Variants in STN1 observed in about 807,000 individuals in gnomAD.
STN1 encodes STN1 subunit of CST complex.
STN1 carries 29 observed loss-of-function variants against 45.5 expected under a neutral mutation model. That is an observed-to-expected ratio of 0.64 (90% CI 0.47 to 0.87). The LOEUF (loss-of-function observed/expected upper bound fraction) is 0.87. Ranked by LOEUF, STN1 falls within the 40% of genes least tolerant of loss-of-function variation. The pLI is 0.00. For synonymous variants in STN1, 148 were observed against 159.0 expected, an observed-to-expected ratio of 0.93 and a Z score of 0.52; for missense variants, 376 against 441.4, an observed-to-expected ratio of 0.85 and a Z score of 1.33.
intron 4 of STN1, among the ~76,000 whole-genome samples, chr10:103,901,807 A>G (rs750218127): frequency 2.3e-4 from 35 of 152,190 alleles, no homozygotes; most frequent in Admixed American, 7.2e-4. Context: ...ACTGGTTTAC[A>G]GTTCATTACA....
At chr10:103,912,947 T>C (rs1843301041) in intron 2 of STN1, among the ~76,000 whole-genome samples, 1 of 152,212 alleles carries the variant, frequency 6.6e-6, no homozygotes, top group Non-Finnish European at 1.5e-5. Context: ...GCAGAGCTGT[T>C]TGGACCCACA....
At chr10:103,909,434 G>GTATATATGTATATATATGTATATATGTA (rs1564635033) in intron 3 of STN1, among the ~76,000 whole-genome samples, 1 of 56,888 alleles carries the variant, frequency 1.8e-5, no homozygotes, top group Non-Finnish European at 3.3e-5. Flanking sequence ...GTATATATAT[G>GTATATATGTATATATATGTATATATGTA]TATATATATG....
At chr10:103,902,775 T>C (rs1843217656) in intron 4 of STN1, among the ~76,000 whole-genome samples, 1 of 152,218 alleles carries the variant, frequency 6.6e-6, no homozygotes, top group Non-Finnish European at 1.5e-5. Context: ...GCTTTTAAAC[T>C]AAGGGCAATT....
intron 3 of STN1, among the ~76,000 whole-genome samples, chr10:103,907,867 G>GCCTGTAAT (rs1253301198): frequency 6.6e-6 from 1 of 151,878 alleles, no homozygotes; most frequent in Admixed American, 6.6e-5. Flanking sequence ...AGTGGCTCAC[G>GCCTGTAAT]CCTGTAATCT....
At chr10:103,889,198 G>T in intron 8 of STN1, 54 bp from the exon 9 acceptor site, 2 of 1,129,550 alleles carry the variant, frequency 1.8e-6, no homozygotes, top group Non-Finnish European at 2.7e-6. Flanking sequence ...CACAGCAGTT[G>T]TGTCATCCAG....
At chr10:103,910,083 C>A (rs575509993) in intron 3 of STN1, among the ~76,000 whole-genome samples, 2 of 152,214 alleles carry the variant, frequency 1.3e-5, no homozygotes, top group South Asian at 4.1e-4. Flanking sequence ...GTTAACTGTT[C>A]TGGATATAAA....
At chr10:103,916,071 G>C in intron 2 of STN1, among the ~76,000 whole-genome samples, 1 of 152,208 alleles carries the variant, frequency 6.6e-6, no homozygotes, top group Non-Finnish European at 1.5e-5. Flanking sequence ...GGTCCCAGGG[G>C]TTGGGGGCCC....
intron 8 of STN1, among the ~76,000 whole-genome samples, chr10:103,891,559 C>T (rs1843139801): frequency 6.6e-6 from 1 of 152,134 alleles, no homozygotes; most frequent in African/African-American, 2.4e-5. Context: ...CGATCACCTA[C>T]CCCAAATAGT....
intron 3 of STN1, among the ~76,000 whole-genome samples, chr10:103,906,772 T>C (rs985676509): frequency 2.0e-5 from 3 of 152,100 alleles, no homozygotes; most frequent in African/African-American, 7.2e-5. Context: ...GATCTAAAAA[T>C]GGCCAATAAA....
intron 4 of STN1, among the ~76,000 whole-genome samples, chr10:103,902,030 AT>A (rs1360422030): frequency 6.6e-6 from 1 of 152,162 alleles, no homozygotes; most frequent in Non-Finnish European, 1.5e-5. Context: ...TACTCTCTGT[AT>A]TTCTTTATAG....
At chr10:103,913,081 A>C (rs187600073) in intron 2 of STN1, among the ~76,000 whole-genome samples, 101 of 152,344 alleles carry the variant, frequency 6.6e-4, no homozygotes, top group African/African-American at 2.3e-3. Context: ...AGCATATACC[A>C]CTGTCGTGGT....
rs1589493185 is a variant in STN1 at position 103,878,044 on chromosome 10, C to G, written c.*4640G>C. ...ACTGAACAGCCTTCTTTCCACTTGG[C>G]TTCTCTTGGCCAGCATCCTGGCACA... On this transcript the variant is annotated 3_prime_UTR_variant, in exon 10 of 10. Transcript: ENST00000224950. 1 of 152,236 alleles carries G rather than the reference C, an allele frequency of 6.6e-6. No individual in the cohort carries two copies. Among genetic ancestry groups the G allele is most frequent in the Non-Finnish European group, 1.5e-5 (1 of 68,046 alleles). The allele number at this position is 152,236 out of a possible 1,614,324, so 9.4% of individuals were successfully genotyped here. A position where few individuals can be genotyped will look rare whatever the true frequency, so the allele number is the denominator to read the frequency against.
chr10:103,903,438 A>G (rs951452062), intron 4 of STN1, among the ~76,000 whole-genome samples: 1 of 152,230 alleles, frequency 6.6e-6, no homozygotes, highest in Admixed American at 6.5e-5. Context: ...CATGTGTTAG[A>G]AATTTAACCC....
Position 103,878,082 on chromosome 10 carries a change from A to G in STN1, c.*4602T>C, listed in dbSNP as rs150292187. 6.6e-6 allele frequency: 1 copy of G among 152,222 alleles called. No individual in the cohort carries two copies. Among genetic ancestry groups the G allele is most frequent in the African/African-American group, 2.4e-5 (1 of 41,464 alleles). 9.4% of individuals were successfully genotyped at this position (152,222 alleles called of 1,614,324 possible). ...GCATCCTGGCACACCATCAGAGGAG[A>G]AAATAATGAGAAAGAAGTGTCTTAC... On this transcript the variant is annotated 3_prime_UTR_variant, in exon 10 of 10. Transcript: ENST00000224950.
intron 3 of STN1, among the ~76,000 whole-genome samples, chr10:103,908,335 G>C (rs1843257189): frequency 6.6e-6 from 1 of 152,284 alleles, no homozygotes; most frequent in African/African-American, 2.4e-5. Flanking sequence ...CAGAGGTCTG[G>C]CTGCTGGAAT....
chr10:103,892,394 G>T, intron 7 of STN1, 142 bp from the exon 8 acceptor site: 3 of 685,430 alleles, frequency 4.4e-6, no homozygotes, highest in Non-Finnish European at 4.6e-6. Flanking sequence ...GTATGTACCG[G>T]CCTAGCAGGA....
rs1381877600 is a variant in STN1 at position 103,879,451 on chromosome 10, GAGA to G, written c.*3230_*3232del. On this transcript the variant is annotated 3_prime_UTR_variant, in exon 10 of 10. Transcript: ENST00000224950. ...AAGAGGAATGAGGGCAGGCCTCACT[GAGA>G]AGGTGACACTCAAGTAAAGGCTGGA... The G allele has an allele frequency of 6.6e-6, 1 of 152,516 alleles. No individual in the cohort carries two copies. Among genetic ancestry groups the G allele is most frequent in the Non-Finnish European group, 1.5e-5 (1 of 68,218 alleles). The allele number at this position is 152,516 out of a possible 1,614,324, so 9.4% of individuals were successfully genotyped here. A position where few individuals can be genotyped will look rare whatever the true frequency, so the allele number is the denominator to read the frequency against.
intron 9 of STN1, among the ~76,000 whole-genome samples, chr10:103,885,559 CCTCT>C (rs928370926): frequency 3.2e-4 from 49 of 152,258 alleles, no homozygotes; most frequent in African/African-American, 1.1e-3. Flanking sequence ...AACTTAGACT[CCTCT>C]CTATTTTTAA....
At chr10:103,904,006 T>C (rs1843225404) in intron 4 of STN1, among the ~76,000 whole-genome samples, 1 of 152,074 alleles carries the variant, frequency 6.6e-6, no homozygotes, top group Non-Finnish European at 1.5e-5. Context: ...CATCAGAAAA[T>C]TAAGCAAATG....
Sources: gnomAD v4.1 joint callset for allele counts (sites outside exome capture counted in the v4.1 genomes callset) on GRCh38, gnomAD v4.1.1 for gene constraint, MANE v1.5 for transcripts, NCBI Gene and HGNC (gene_info 2026-07-23, HGNC 2026-07-21) for gene names.